SRL: variants seen among roughly 807,000 people sequenced by gnomAD.
The protein encoded by SRL is sarcalumenin.
SRL carries 23 observed loss-of-function variants against 39.5 expected under a neutral mutation model. That is an observed-to-expected ratio of 0.58 (90% CI 0.42 to 0.82). The LOEUF is 0.82. Among genes scored for constraint, SRL ranks in the 40% least tolerant of loss-of-function variants. The pLI, the probability that SRL is intolerant of heterozygous loss-of-function variation, is 0.00. For missense variants in SRL, 592 were observed against 607.8 expected, an observed-to-expected ratio of 0.97 and a Z score of 0.27; for synonymous variants, 272 against 237.4, an observed-to-expected ratio of 1.15 and a Z score of -1.34.
intron 1 of SRL, among the ~76,000 whole-genome samples, chr16:4,238,290 C>T (rs1414262282): frequency 1.3e-5 from 2 of 152,142 alleles, no homozygotes; most frequent in African/African-American, 4.8e-5. Context: ...TGCCTCATTC[C>T]AGCCAGGATG....
At chr16:4,222,206 G>C (rs7205062) in intron 1 of SRL, among the ~76,000 whole-genome samples, 1 of 151,976 alleles carries the variant, frequency 6.6e-6, no homozygotes, top group Admixed American at 6.6e-5. Context: ...CCATCCCTTG[G>C]GAGTCGTCCC....
chr16:4,199,692 CCT>C (rs2052197488), intron 3 of SRL, among the ~76,000 whole-genome samples: 4 of 111,446 alleles, frequency 3.6e-5, no homozygotes, highest in East Asian at 2.3e-4. Context: ...CTTTTCTTTT[CCT>C]TTTTTTTTTT....
intron 1 of SRL, among the ~76,000 whole-genome samples, chr16:4,223,348 A>G (rs1203253967): frequency 2.6e-5 from 4 of 151,510 alleles, no homozygotes; most frequent in African/African-American, 9.7e-5. Context: ...CCTCCAGAAC[A>G]AAGGAGTGGG....
intron 3 of SRL, among the ~76,000 whole-genome samples, chr16:4,200,633 C>T (rs2052215488): frequency 6.6e-6 from 1 of 152,170 alleles, no homozygotes; most frequent in Admixed American, 6.5e-5. Flanking sequence ...GGTCTTAGGG[C>T]CAAGAGAGAA....
rs760241200 is a variant in SRL at position 4,198,043 on chromosome 16, G to C, written c.260-128C>G. The C allele has an allele frequency of 4.4e-6, 3 of 688,938 alleles. No homozygotes were observed. In the African/African-American group the frequency reaches 5.3e-5, roughly 12 times the overall value. 42.7% of individuals were successfully genotyped at this position (688,938 alleles called of 1,614,324 possible). A position where few individuals can be genotyped will look rare whatever the true frequency, so the allele number is the denominator to read the frequency against. On this transcript the variant is annotated intron_variant, in intron 3 of 5. Coordinates refer to ENST00000399609, the MANE Select transcript of SRL (RefSeq NM_001098814.2). ...GTGGAATTCTCCATGAATCAGACGT[G>C]TGTAGCCCCCAGTGGCGCTTCTCTT... is the stretch of plus-strand genomic sequence containing the variant.
chr16:4,196,807 A>T (rs912524174), intron 4 of SRL, among the ~76,000 whole-genome samples: 1 of 152,012 alleles, frequency 6.6e-6, no homozygotes, highest in African/African-American at 2.4e-5. Context: ...GAAATCAGAC[A>T]GTATTTGTCC....
At chr16:4,207,440 G>A (rs765766195) in intron 1 of SRL, 19 of 456,738 alleles carry the variant, frequency 4.2e-5, no homozygotes, top group Non-Finnish European at 8.4e-5. Flanking sequence ...CGACGTCAGG[G>A]GCTCCCTCTG....
chr16:4,238,623 C>CTT (rs113546099), intron 1 of SRL, among the ~76,000 whole-genome samples: 7,496 of 143,760 alleles, frequency 0.052, 634 homozygotes, highest in African/African-American at 0.18. Flanking sequence ...CCCGGTGCCA[C>CTT]TTTTTTTTTT....
intron 1 of SRL, among the ~76,000 whole-genome samples, chr16:4,234,335 A>T (rs972924474): frequency 5.9e-5 from 9 of 152,124 alleles, no homozygotes; most frequent in African/African-American, 2.2e-4. Flanking sequence ...ATTCTGATTT[A>T]ATTTGGTGCT....
intron 3 of SRL, among the ~76,000 whole-genome samples, chr16:4,202,546 T>C (rs2052250371): frequency 6.6e-6 from 1 of 151,740 alleles, no homozygotes; most frequent in African/African-American, 2.4e-5. Flanking sequence ...TGAGCCGAGA[T>C]TGCGCCACTG....
At chr16:4,232,012 A>G (rs2052664506) in intron 1 of SRL, among the ~76,000 whole-genome samples, 1 of 152,202 alleles carries the variant, frequency 6.6e-6, no homozygotes, top group South Asian at 2.1e-4. Flanking sequence ...TTGGCGGCTG[A>G]TTTGTGACAA....
At chr16:4,209,982 A>C (rs1487064730) in intron 1 of SRL, among the ~76,000 whole-genome samples, 4 of 152,128 alleles carry the variant, frequency 2.6e-5, no homozygotes, top group Non-Finnish European at 4.4e-5. Flanking sequence ...TCCTGCCTGC[A>C]CGTGCCTTCT....
chr16:4,196,044 T>C (rs1290820959), intron 4 of SRL, among the ~76,000 whole-genome samples: 6 of 152,172 alleles, frequency 3.9e-5, no homozygotes, highest in Non-Finnish European at 8.8e-5. Context: ...CACTGCAGCC[T>C]CCATCTCCCA....
intron 1 of SRL, among the ~76,000 whole-genome samples, chr16:4,229,331 C>A (rs903798584): frequency 6.6e-6 from 1 of 152,040 alleles, no homozygotes; most frequent in African/African-American, 2.4e-5. Context: ...GTAGTCCCAG[C>A]TACTTGGGAG....
At chr16:4,203,097 G>A (rs767065785) in intron 3 of SRL, 69 bp downstream of exon 3, 35 of 1,388,106 alleles carry the variant, frequency 2.5e-5, no homozygotes, top group Non-Finnish European at 3.2e-5. Context: ...CCGGTCAGCA[G>A]TGTGGCCCCG....
chr16:4,211,162 TAA>T (rs140526795), intron 1 of SRL, among the ~76,000 whole-genome samples: 10 of 145,988 alleles, frequency 6.8e-5, no homozygotes, highest in East Asian at 2.0e-4. Context: ...GCATCATGAT[TAA>T]AAAAAAAAAA....
intron 1 of SRL, among the ~76,000 whole-genome samples, chr16:4,229,581 G>A (rs1043421149): frequency 6.6e-6 from 1 of 152,028 alleles, no homozygotes; most frequent in Non-Finnish European, 1.5e-5. Context: ...CTAAGCATTG[G>A]AGACACATGG....
intron 1 of SRL, among the ~76,000 whole-genome samples, chr16:4,227,402 T>C (rs1047055281): frequency 2.7e-5 from 4 of 148,888 alleles, no homozygotes; most frequent in African/African-American, 7.5e-5. Flanking sequence ...AATGGAGAGA[T>C]TGATGGATGG....
At chr16:4,224,138 A>G (rs981542116) in intron 1 of SRL, among the ~76,000 whole-genome samples, 2 of 152,018 alleles carry the variant, frequency 1.3e-5, no homozygotes, top group African/African-American at 4.8e-5. Context: ...GGGAGAGGAG[A>G]GGAGGAGGGA....
Sources: gnomAD v4.1 joint callset for allele counts (sites outside exome capture counted in the v4.1 genomes callset) on GRCh38, gnomAD v4.1.1 for gene constraint, MANE v1.5 for transcripts, NCBI Gene and HGNC (gene_info 2026-07-23, HGNC 2026-07-21) for gene names.